SNX29: variants seen among roughly 807,000 people sequenced by gnomAD.
SNX29 encodes the protein sorting nexin 29, also known as sorting nexin-29.
A neutral mutation model predicts 102.1 loss-of-function variants in SNX29; 78 were observed. That is an observed-to-expected ratio of 0.76 (90% confidence interval 0.64 to 0.92). The LOEUF (loss-of-function observed/expected upper bound fraction) is 0.92. Among genes scored for constraint, SNX29 ranks in the 40% least tolerant of loss-of-function variants. The pLI is 0.00. For synonymous variants in SNX29, 580 were observed against 414.5 expected, an observed-to-expected ratio of 1.40 and a Z score of -4.85; for missense variants, 1,280 against 1,061.7, an observed-to-expected ratio of 1.21 and a Z score of -2.86.
intron 17 of SNX29, among the ~76,000 whole-genome samples, chr16:12,401,845 C>G (rs925613511): frequency 1.3e-5 from 2 of 152,178 alleles, no homozygotes; most frequent in African/African-American, 4.8e-5. Context: ...GAACTAACAT[C>G]TAGGAGGGAG....
chr16:12,046,242 C>A (rs2050085005), intron 5 of SNX29, 142 bp from the exon 6 acceptor site: 3 of 765,976 alleles, frequency 3.9e-6, no homozygotes, highest in African/African-American at 3.5e-5. Flanking sequence ...AGCTGTAAAC[C>A]AGCAGAGACC....
chr16:12,046,492 C>T (rs372872722), intron 6 of SNX29, 38 bp downstream of exon 6: 16 of 1,607,548 alleles, frequency 1.0e-5, no homozygotes, highest in East Asian at 4.5e-5. Context: ...GGCCTTGTGA[C>T]ACTTGGCAGA....
At chr16:12,220,723 A>G (rs2077454239) in intron 14 of SNX29, among the ~76,000 whole-genome samples, 1 of 152,118 alleles carries the variant, frequency 6.6e-6, no homozygotes, top group African/African-American at 2.4e-5. Context: ...TTAATGATTC[A>G]TATTACGAAT....
intron 13 of SNX29, among the ~76,000 whole-genome samples, chr16:12,177,104 C>T (rs2141805322): frequency 1.3e-5 from 2 of 152,208 alleles, no homozygotes; most frequent in Middle Eastern, 6.8e-3. Context: ...CACACCACTA[C>T]ACCCGGCTAA....
chr16:12,100,640 AGT>A (rs2052972825), intron 11 of SNX29, among the ~76,000 whole-genome samples: 1 of 149,142 alleles, frequency 6.7e-6, no homozygotes, highest in African/African-American at 2.5e-5. Context: ...TGGAAGGAAG[AGT>A]GTGCTTGGCA....
chr16:12,369,295 C>G (rs924870790), intron 16 of SNX29, among the ~76,000 whole-genome samples: 1 of 152,020 alleles, frequency 6.6e-6, no homozygotes, highest in African/African-American at 2.4e-5. Flanking sequence ...GCCACCGTGC[C>G]CAGCTAATTT....
At chr16:11,987,226 G>A (rs1344347275) in intron 1 of SNX29, among the ~76,000 whole-genome samples, 1 of 150,828 alleles carries the variant, frequency 6.6e-6, no homozygotes, top group Non-Finnish European at 1.5e-5. Flanking sequence ...CACCATACCT[G>A]GCTAATTTTT....
At chr16:12,426,791 A>G (rs1480972337) in intron 18 of SNX29, among the ~76,000 whole-genome samples, 1 of 152,092 alleles carries the variant, frequency 6.6e-6, no homozygotes, top group East Asian at 1.9e-4. Context: ...TTGGCTACCT[A>G]TGTAGCTGGG....
intron 20 of SNX29, among the ~76,000 whole-genome samples, chr16:12,540,880 G>A (rs917918265): frequency 2.6e-5 from 4 of 152,320 alleles, no homozygotes; most frequent in East Asian, 3.9e-4. Context: ...TTCCACTTCT[G>A]GACCCAGAGC....
chr16:12,564,934 T>TAA (rs6145751), intron 20 of SNX29, among the ~76,000 whole-genome samples: 2,681 of 144,850 alleles, frequency 0.019, 27 homozygotes, highest in South Asian at 0.03. Context: ...ACCTTGGTGT[T>TAA]AAAAAAAAAA....
intron 13 of SNX29, among the ~76,000 whole-genome samples, chr16:12,149,824 T>A (rs757199560): frequency 5.3e-5 from 8 of 152,158 alleles, no homozygotes; most frequent in Non-Finnish European, 1.0e-4. Context: ...CCAGCCTCAG[T>A]CAAGTATGGT....
At chr16:12,171,775 G>A (rs2076154905) in intron 13 of SNX29, among the ~76,000 whole-genome samples, 1 of 152,238 alleles carries the variant, frequency 6.6e-6, no homozygotes, top group South Asian at 2.1e-4. Flanking sequence ...TTTCACTAAT[G>A]ATTGTTATAT....
intron 14 of SNX29, among the ~76,000 whole-genome samples, chr16:12,235,070 C>T (rs555027323): frequency 6.6e-6 from 1 of 152,106 alleles, no homozygotes; most frequent in Non-Finnish European, 1.5e-5. Flanking sequence ...CTGTCTCTGT[C>T]CTGCCCTTAT....
intron 15 of SNX29, among the ~76,000 whole-genome samples, chr16:12,335,547 G>T (rs1405118384): frequency 6.6e-6 from 1 of 152,254 alleles, no homozygotes; most frequent in Middle Eastern, 3.4e-3. Context: ...ATGGTTGCAT[G>T]TGCCTGTATT....
At chr16:12,296,925 G>T (rs998375004) in intron 15 of SNX29, among the ~76,000 whole-genome samples, 2 of 152,208 alleles carry the variant, frequency 1.3e-5, no homozygotes, top group Admixed American at 6.5e-5. Flanking sequence ...TGTCATGGGG[G>T]CTTTCCTGTG....
At chr16:12,555,320 A>G (rs1305985014) in intron 20 of SNX29, among the ~76,000 whole-genome samples, 1 of 151,536 alleles carries the variant, frequency 6.6e-6, no homozygotes, top group Non-Finnish European at 1.5e-5. Flanking sequence ...TCATAGCCCC[A>G]GTGTTTCTTG....
intron 4 of SNX29, among the ~76,000 whole-genome samples, chr16:12,037,114 G>T (rs989530079): frequency 6.6e-6 from 1 of 152,080 alleles, no homozygotes; most frequent in Admixed American, 6.6e-5. Flanking sequence ...CTTCTAGAAC[G>T]GGGTCGGCAC....
chr16:11,977,098 C>G, intron 1 of SNX29: 1 of 365,826 alleles, frequency 2.7e-6, no homozygotes, highest in Non-Finnish European at 4.9e-6. Context: ...TCCTGCGATC[C>G]CCTTGCCTAG....
At chr16:12,365,271 T>A (rs2082427680) in intron 16 of SNX29, among the ~76,000 whole-genome samples, 1 of 151,938 alleles carries the variant, frequency 6.6e-6, no homozygotes, top group African/African-American at 2.4e-5. Flanking sequence ...ATTCTTCATC[T>A]GCGAAGTGAA....
Sources: gnomAD v4.1 joint callset for allele counts (sites outside exome capture counted in the v4.1 genomes callset) on GRCh38, gnomAD v4.1.1 for gene constraint, MANE v1.5 for transcripts, NCBI Gene and HGNC (gene_info 2026-07-23, HGNC 2026-07-21) for gene names.